Variants in SMIM14 observed in about 807,000 individuals in gnomAD.
SMIM14 encodes small integral membrane protein 14, also known as chromosome 4 open reading frame 34.
SMIM14 carries 5 observed loss-of-function variants against 12.6 expected under a neutral mutation model. The observed-to-expected ratio is 0.40, with a 90% CI of 0.21 to 0.83. SMIM14 has a LOEUF of 0.83. Among genes scored for constraint, SMIM14 ranks in the 40% least tolerant of loss-of-function variants. The pLI is 0.37. For synonymous variants in SMIM14, 30 were observed against 40.1 expected (o/e 0.75, Z 0.95); for missense variants, 86 against 119.1 (o/e 0.72, Z 1.29).
At chr4:39,633,149 C>G (rs1237758227) in intron 1 of SMIM14, among the ~76,000 whole-genome samples, 1 of 151,806 alleles carries the variant, frequency 6.6e-6, no homozygotes, top group African/African-American at 2.4e-5. Flanking sequence ...CAAAAATTAG[C>G]TGGGCATGGT....
intron 3 of SMIM14, among the ~76,000 whole-genome samples, chr4:39,566,212 T>C (rs1305191794): frequency 1.1e-4 from 16 of 151,382 alleles, no homozygotes; most frequent in Non-Finnish European, 2.1e-4. Context: ...TGCTTGCTGA[T>C]AGATGACTGG....
intron 2 of SMIM14, among the ~76,000 whole-genome samples, chr4:39,590,102 G>T (rs1006520349): frequency 7.0e-6 from 1 of 143,552 alleles, no homozygotes; most frequent in African/African-American, 2.6e-5. Context: ...GTTTTATAAA[G>T]AATACTAGAC....
chr4:39,636,936 T>A (rs1367715541), intron 1 of SMIM14, among the ~76,000 whole-genome samples: 1 of 152,114 alleles, frequency 6.6e-6, no homozygotes, highest in Non-Finnish European at 1.5e-5. Context: ...CCACAGAAAC[T>A]GAAACTCGGG....
chr4:39,607,314 ACAG>A (rs1210190378), intron 1 of SMIM14, among the ~76,000 whole-genome samples: 1 of 152,264 alleles, frequency 6.6e-6, no homozygotes, highest in African/African-American at 2.4e-5. Flanking sequence ...ATGCTTATAT[ACAG>A]CATTAGCCAT....
intron 2 of SMIM14, chr4:39,589,569 T>C (rs1376154366): frequency 6.6e-6 from 1 of 152,218 alleles, no homozygotes; most frequent in Non-Finnish European, 1.5e-5. Flanking sequence ...TCTAAATCCA[T>C]CTGCTTTCTC....
intron 1 of SMIM14, among the ~76,000 whole-genome samples, chr4:39,620,396 G>A (rs1190408279): frequency 6.6e-6 from 1 of 152,050 alleles, no homozygotes; most frequent in Non-Finnish European, 1.5e-5. Flanking sequence ...GGAGAATGGC[G>A]TGAACCTGGG....
intron 1 of SMIM14, among the ~76,000 whole-genome samples, chr4:39,627,324 C>A (rs1238378542): frequency 2.0e-5 from 3 of 152,100 alleles, no homozygotes; most frequent in Non-Finnish European, 2.9e-5. Context: ...CTTTCCTTGG[C>A]GACCCTTTTT....
At chr4:39,602,207 C>A (rs1714645219) in intron 2 of SMIM14, among the ~76,000 whole-genome samples, 3 of 151,208 alleles carry the variant, frequency 2.0e-5, no homozygotes, top group African/African-American at 4.9e-5. Flanking sequence ...AGAGATCGTG[C>A]CACTGCCCTA....
chr4:39,599,317 C>G lies in SMIM14; in HGVS notation c.75+5754G>C, dbSNP rs180785812. 1.3e-4 allele frequency among the ~76,000 whole-genome samples: 20 copies of G among 152,158 alleles called. No homozygotes were observed. In the East Asian group the frequency reaches 3.9e-3, roughly 29 times the overall value. On this transcript the variant is annotated intron_variant, in intron 2 of 4. Transcript: ENST00000295958. ...TGGAAGGGGATAGATCACACAGGACCATGTAAATTTCATTTTTTTTTACTC... is the reference window on the plus strand; with the variant it reads ...TGGAAGGGGATAGATCACACAGGACGATGTAAATTTCATTTTTTTTTACTC...
At chr4:39,570,829 TAGTA>T (rs1338674035) in intron 3 of SMIM14, among the ~76,000 whole-genome samples, 1 of 152,092 alleles carries the variant, frequency 6.6e-6, no homozygotes, top group Non-Finnish European at 1.5e-5. Context: ...GCTCAATAAA[TAGTA>T]AGACAAATAT....
chr4:39,571,507 G>A (rs1712885025), intron 3 of SMIM14, among the ~76,000 whole-genome samples: 1 of 151,970 alleles, frequency 6.6e-6, no homozygotes, highest in African/African-American at 2.4e-5. Flanking sequence ...TTGAGCCTGG[G>A]AGGTCAAGGC....
chr4:39,595,534 C>A (rs1327722545), intron 2 of SMIM14, among the ~76,000 whole-genome samples: 2 of 151,716 alleles, frequency 1.3e-5, no homozygotes, highest in African/African-American at 4.8e-5. Context: ...TGCACATGTA[C>A]CCTAAAACTT....
chr4:39,626,688 G>A (rs543146462), intron 1 of SMIM14, among the ~76,000 whole-genome samples: 1 of 152,088 alleles, frequency 6.6e-6, no homozygotes, highest in Non-Finnish European at 1.5e-5. Flanking sequence ...CTAAATAAAT[G>A]TTACAAATTA....
Position 39,576,705 on chromosome 4 carries a change from T to A in SMIM14, c.76-4242A>T, listed in dbSNP as rs1352755960. Reference sequence around the variant, plus strand: ...ATATATTTTTTTTTTTTTTTTTTTTTTTTTTTTTTTTTTTTTTTTGAGACG... The same window carrying A: ...ATATATTTTTTTTTTTTTTTTTTTTATTTTTTTTTTTTTTTTTTTGAGACG... On this transcript the variant is annotated intron_variant, in intron 2 of 4. Transcript: ENST00000295958. 6.2e-3 allele frequency among the ~76,000 whole-genome samples: 437 copies of A among 70,956 alleles called. 12 individuals carry two copies. The highest frequency in any genetic ancestry group is 0.018 in the African/African-American group (348 of 19,028). The allele number at this position is 70,956 out of a possible 152,430, so 46.5% of individuals were successfully genotyped here.
rs137905146 is a variant in SMIM14 at position 39,596,445 on chromosome 4, A to G, written c.75+8626T>C. On this transcript the variant is annotated intron_variant, in intron 2 of 4. Coordinates refer to ENST00000295958, the MANE Select transcript of SMIM14 (RefSeq NM_174921.3). ...TTAAAGGAGACCAACCAAGAAGAAC[A>G]TGATGCTGAAGCAACAGCCTAAAAC... 4.5e-3 allele frequency among the ~76,000 whole-genome samples: 692 copies of G among 152,280 alleles called. 5 individuals are homozygous for G. The highest frequency in any genetic ancestry group is 0.016 in the African/African-American group (657 of 41,562).
intron 1 of SMIM14, among the ~76,000 whole-genome samples, chr4:39,637,848 C>G (rs1716158117): frequency 6.6e-6 from 1 of 152,220 alleles, no homozygotes; most frequent in Non-Finnish European, 1.5e-5. Context: ...TGTACAGCTG[C>G]TGTTTCTGAC....
Position 39,551,996 on chromosome 4 carries a change from G to T in SMIM14, c.*130C>A. The T allele has an allele frequency of 1.6e-6, 1 of 625,220 alleles. No homozygotes were observed. The highest frequency in any genetic ancestry group is 2.6e-6 in the Non-Finnish European group (1 of 386,936). 38.7% of individuals were successfully genotyped at this position (625,220 alleles called of 1,614,324 possible). ...GCAAGTGAAATTTCTAGAAGCTCAT[G>T]AAAACAATACCATCCCATATTGCAG... On this transcript the variant is annotated 3_prime_UTR_variant, in exon 5 of 5. Transcript: ENST00000295958.
chr4:39,547,281 A>T lies in SMIM14; in HGVS notation c.*4845T>A, dbSNP rs570038553. On this transcript the variant is annotated 3_prime_UTR_variant, in exon 5 of 5. Transcript: ENST00000295958. ...CTTGCTTCTCTTCCCACAAAAGCCA[A>T]ACAGAAAACACAAAGTGTTACTAAC... 6.6e-6 allele frequency: 1 copy of T among 152,136 alleles called. No individual in the cohort carries two copies. The highest frequency in any genetic ancestry group is 6.6e-5 in the Admixed American group (1 of 15,264). The allele number at this position is 152,136 out of a possible 1,614,324, so 9.4% of individuals were successfully genotyped here.
intron 3 of SMIM14, among the ~76,000 whole-genome samples, chr4:39,564,372 T>G (rs2109995391): frequency 6.6e-6 from 1 of 152,074 alleles, no homozygotes; most frequent in South Asian, 2.1e-4. Flanking sequence ...GGCTGAGTAT[T>G]CCTACTCTAA....
Sources: gnomAD v4.1 joint callset for allele counts (sites outside exome capture counted in the v4.1 genomes callset) on GRCh38, gnomAD v4.1.1 for gene constraint, MANE v1.5 for transcripts, NCBI Gene and HGNC (gene_info 2026-07-23, HGNC 2026-07-21) for gene names.